The following TCF4 variants were observed in gnomAD, a reference collection of about 807,000 sequenced individuals.
TCF4 encodes the protein transcription factor 4.
A neutral mutation model predicts 82.1 loss-of-function variants in TCF4; 3 were observed. The observed-to-expected ratio is 0.04, with a 90% CI of 0.02 to 0.09. TCF4 has a LOEUF of 0.09. Among genes scored for constraint, TCF4 ranks in the 10% least tolerant of loss-of-function variants. The pLI is 1.00. For missense variants in TCF4, 518 were observed against 852.7 expected, an observed-to-expected ratio of 0.61 and a Z score of 4.89; for synonymous variants, 276 against 309.6, an observed-to-expected ratio of 0.89 and a Z score of 1.14.
chr18:55,626,542 A>C (rs1016014919), intron 2 of TCF4, among the ~76,000 whole-genome samples: 6 of 152,194 alleles, frequency 3.9e-5, no homozygotes, highest in Non-Finnish European at 8.8e-5. Flanking sequence ...TTGACATATA[A>C]AAATTCAAAC....
At chr18:55,456,034 C>G (rs181628930) in intron 5 of TCF4, among the ~76,000 whole-genome samples, 1 of 152,320 alleles carries the variant, frequency 6.6e-6, no homozygotes, top group Non-Finnish European at 1.5e-5. Flanking sequence ...AAAACACTCA[C>G]AACACTTCAC....
At chr18:55,284,784 CA>C (rs944024263) in intron 8 of TCF4, among the ~76,000 whole-genome samples, 2 of 152,194 alleles carry the variant, frequency 1.3e-5, no homozygotes, top group African/African-American at 4.8e-5. Context: ...CACAGACGCC[CA>C]AGTACTGGCT....
At chr18:55,435,427 C>T (rs1049505291) in intron 5 of TCF4, among the ~76,000 whole-genome samples, 3 of 152,210 alleles carry the variant, frequency 2.0e-5, no homozygotes, top group African/African-American at 7.2e-5. Flanking sequence ...ACCACTAGTG[C>T]CATGTTTACT....
chr18:55,464,857 G>C (rs899463127), intron 3 of TCF4, among the ~76,000 whole-genome samples: 1 of 152,088 alleles, frequency 6.6e-6, no homozygotes, highest in Non-Finnish European at 1.5e-5. Context: ...AGACCTACAT[G>C]AACCATCGAA....
At chr18:55,314,546 GTCATACAGTATTTATTC>G (rs1251907438) in intron 8 of TCF4, among the ~76,000 whole-genome samples, 2 of 146,472 alleles carry the variant, frequency 1.4e-5, no homozygotes, top group African/African-American at 5.2e-5. Flanking sequence ...AAGCTATTGA[GTCATACAGTATTTATTC>G]TCCTTAAAAA....
chr18:55,416,660 A>C (rs1288954978), intron 5 of TCF4, among the ~76,000 whole-genome samples: 1 of 152,256 alleles, frequency 6.6e-6, no homozygotes, highest in Admixed American at 6.5e-5. Context: ...GTCACAATAA[A>C]TAATATGCCT....
intron 2 of TCF4, among the ~76,000 whole-genome samples, chr18:55,624,412 G>A (rs2097724486): frequency 6.6e-6 from 1 of 152,102 alleles, no homozygotes; most frequent in Non-Finnish European, 1.5e-5. Context: ...CAGGAAGTCA[G>A]TGCATGTTCA....
intron 15 of TCF4, among the ~76,000 whole-genome samples, chr18:55,245,770 T>C (rs1260838611): frequency 6.6e-6 from 1 of 151,170 alleles, no homozygotes; most frequent in African/African-American, 2.4e-5. Context: ...CCGGGAAGCT[T>C]TTCCTAGCGG....
At chr18:55,233,378 T>C (rs891903681) in intron 16 of TCF4, among the ~76,000 whole-genome samples, 17 of 152,184 alleles carry the variant, frequency 1.1e-4, no homozygotes, top group Admixed American at 6.5e-5. Context: ...TGCGGCCTCA[T>C]CATCTGTGAG....
chr18:55,442,943 G>A (rs2095465803), intron 5 of TCF4, among the ~76,000 whole-genome samples: 1 of 152,186 alleles, frequency 6.6e-6, no homozygotes, highest in Non-Finnish European at 1.5e-5. Context: ...AACCAAGATG[G>A]ACTAGCTTTT....
At chr18:55,627,379 A>G (rs1359635194) in intron 2 of TCF4, among the ~76,000 whole-genome samples, 1 of 152,208 alleles carries the variant, frequency 6.6e-6, no homozygotes, top group Admixed American at 6.5e-5. Flanking sequence ...CATACATGAA[A>G]AAAAGTCTCA....
intron 3 of TCF4, among the ~76,000 whole-genome samples, chr18:55,490,533 G>A (rs2096565220): frequency 6.6e-6 from 1 of 151,990 alleles, no homozygotes; most frequent in South Asian, 2.1e-4. Context: ...AATAGTACAT[G>A]CAAGTGTTTA....
chr18:55,604,063 C>G (rs1182589474), intron 2 of TCF4, among the ~76,000 whole-genome samples: 2 of 152,118 alleles, frequency 1.3e-5, no homozygotes, highest in African/African-American at 4.8e-5. Flanking sequence ...GCACATAGAA[C>G]AGTCCTTACT....
At chr18:55,564,051 T>G (rs933439031) in intron 3 of TCF4, among the ~76,000 whole-genome samples, 9 of 152,300 alleles carry the variant, frequency 5.9e-5, no homozygotes, top group Admixed American at 2.6e-4. Context: ...CAAAGAGTCT[T>G]GATTAAACTA....
chr18:55,605,291 C>T (rs1333507395), intron 2 of TCF4, among the ~76,000 whole-genome samples: 4 of 152,088 alleles, frequency 2.6e-5, no homozygotes, highest in African/African-American at 4.8e-5. Flanking sequence ...CTGAAAGAGC[C>T]GCAATCTTGG....
chr18:55,336,870 A>G (rs2078750204), intron 8 of TCF4, among the ~76,000 whole-genome samples: 1 of 152,160 alleles, frequency 6.6e-6, no homozygotes, highest in Non-Finnish European at 1.5e-5. Context: ...GACAAACATT[A>G]AACACAGTAA....
At chr18:55,593,940 A>G (rs2097688271) in intron 2 of TCF4, among the ~76,000 whole-genome samples, 1 of 152,192 alleles carries the variant, frequency 6.6e-6, no homozygotes, top group African/African-American at 2.4e-5. Context: ...AGGGAAGACT[A>G]TCCCAGCATA....
chr18:55,583,332 T>C (rs949699058), intron 3 of TCF4, among the ~76,000 whole-genome samples: 1 of 152,064 alleles, frequency 6.6e-6, no homozygotes, highest in Admixed American at 6.6e-5. Flanking sequence ...CATGAACATA[T>C]GTGTGTATGT....
Position 55,282,638 on chromosome 18 carries a change from T to G in TCF4, c.550-2982A>C, listed in dbSNP as rs779127540. ...TTAACAACACAATTGTTAAATAAAA[T>G]AGCTTTATTTAATCAATAGAATAAT... is the stretch of plus-strand genomic sequence containing the variant. On this transcript the variant is annotated intron_variant, in intron 8 of 19. Coordinates refer to ENST00000354452, the MANE Select transcript of TCF4 (RefSeq NM_001083962.2). Among the ~76,000 whole-genome samples, 75 of 152,130 alleles carry G rather than the reference T, an allele frequency of 4.9e-4. 2 individuals carry two copies. Among genetic ancestry groups the G allele is most frequent in the Non-Finnish European group, 1.5e-4 (10 of 67,968 alleles).
Sources: allele counts gnomAD v4.1 joint callset (sites outside exome capture counted in the v4.1 genomes callset), GRCh38; gene constraint gnomAD v4.1.1; transcripts MANE v1.5; gene names NCBI Gene and HGNC (gene_info 2026-07-23, HGNC 2026-07-21).